Variants in RPS6KA2 observed in about 807,000 individuals in gnomAD.
The protein encoded by RPS6KA2 is ribosomal protein S6 kinase A2, also known as ribosomal protein S6 kinase alpha-2.
RPS6KA2 carries 42 observed loss-of-function variants against 91.8 expected under a neutral mutation model. The ratio of observed to expected loss-of-function variants is 0.46; its 90% CI spans 0.36 to 0.59. RPS6KA2 has a LOEUF of 0.59. RPS6KA2 is among the 20% of genes least tolerant of loss of function. The pLI, the probability that RPS6KA2 is intolerant of heterozygous loss-of-function variation, is 0.00. For synonymous variants in RPS6KA2, 414 were observed against 393.6 expected (o/e 1.05, Z -0.61); for missense variants, 798 against 978.5 (o/e 0.82, Z 2.46).
At chr6:166,832,167 T>C (rs946968807) in intron 2 of RPS6KA2, among the ~76,000 whole-genome samples, 1 of 152,144 alleles carries the variant, frequency 6.6e-6, no homozygotes, top group African/African-American at 2.4e-5. Context: ...GATTTGGCCT[T>C]GAAAGTGACC....
intron 2 of RPS6KA2, among the ~76,000 whole-genome samples, chr6:166,658,177 C>T (rs1006757487): frequency 2.6e-5 from 4 of 152,204 alleles, no homozygotes; most frequent in African/African-American, 4.8e-5. Context: ...CCACTGTGGC[C>T]AGCCCAGGAT....
chr6:166,416,520 T>C (rs1778532829), intron 19 of RPS6KA2, among the ~76,000 whole-genome samples: 1 of 150,302 alleles, frequency 6.7e-6, no homozygotes, highest in Non-Finnish European at 1.5e-5. Context: ...TCTGCCACTT[T>C]TGCCATCCCT....
At chr6:166,765,962 C>T (rs745618344) in intron 2 of RPS6KA2, among the ~76,000 whole-genome samples, 22 of 152,318 alleles carry the variant, frequency 1.4e-4, no homozygotes, top group African/African-American at 3.6e-4. Flanking sequence ...AAACACTTCC[C>T]GCTTTCTAGT....
chr6:166,566,835 A>C (rs1056670528), intron 1 of RPS6KA2, among the ~76,000 whole-genome samples: 1 of 152,180 alleles, frequency 6.6e-6, no homozygotes, highest in Non-Finnish European at 1.5e-5. Context: ...TTGGCTGGAG[A>C]TCACACAGCC....
intron 2 of RPS6KA2, among the ~76,000 whole-genome samples, chr6:166,638,914 A>G (rs1270124810): frequency 1.3e-5 from 2 of 152,200 alleles, no homozygotes; most frequent in African/African-American, 2.4e-5. Context: ...AATGGCTCTT[A>G]AAAAATAAAG....
In RPS6KA2 at chr6:166,639,301, G is replaced by A. The variant is rs1057421993; in HGVS notation, c.124-100517C>T. On this transcript the variant is annotated intron_variant, in intron 2 of 21. Transcript: ENST00000503859. This position sits in a 1 kb window ranked among gnomAD's most constrained non-coding sequence, Gnocchi z 4.2. ...CTCCTGACACGTCCTTATTCCCTAC[G>A]TCTCTAGTTACTGAGATTTGTCAAC... Among the ~76,000 whole-genome samples, 2 of 152,208 alleles carry A rather than the reference G, an allele frequency of 1.3e-5. No individual in the cohort carries two copies. The highest frequency in any genetic ancestry group is 1.5e-5 in the Non-Finnish European group (1 of 68,014).
rs6920423 is a variant in RPS6KA2, at chr6:166,493,671, T to G, written c.748-2930A>C. On this transcript the variant is annotated intron_variant, in intron 8 of 20. Transcript: ENST00000265678. The surrounding 1 kb of genome is among the most constrained non-coding windows in gnomAD (Gnocchi z 4.7). ...GCTCCACCGGGTGCAGGCCCGATGC[T>G]TCTGGGAAGGTAATTGGACAGACAT... Among the ~76,000 whole-genome samples, 492 of 152,012 alleles carry G rather than the reference T, an allele frequency of 3.2e-3. 2 individuals are homozygous for G. Among genetic ancestry groups the G allele is most frequent in the African/African-American group, 0.011 (475 of 41,424 alleles).
intron 1 of RPS6KA2, among the ~76,000 whole-genome samples, chr6:166,550,993 T>TAAAAAAAAAAAAAAA (rs1784002404): frequency 4.3e-5 from 1 of 23,190 alleles, no homozygotes; most frequent in Admixed American, 5.4e-4. Context: ...GGACTCTATC[T>TAAAAAAAAAAAAAAA]CAAAAAAAAA....
intron 17 of RPS6KA2, among the ~76,000 whole-genome samples, chr6:166,421,847 T>C (rs539516058): frequency 6.6e-6 from 1 of 152,126 alleles, no homozygotes; most frequent in East Asian, 1.9e-4. Flanking sequence ...TCAATATTAA[T>C]ATTGATTAAG....
At chr6:166,476,700 G>A (rs1357468070) in intron 10 of RPS6KA2, among the ~76,000 whole-genome samples, 2 of 152,006 alleles carry the variant, frequency 1.3e-5, no homozygotes, top group African/African-American at 2.4e-5. Context: ...TCTACAGCTC[G>A]AGGGGACTCA....
chr6:166,646,139 G>A (rs541912246), intron 2 of RPS6KA2, among the ~76,000 whole-genome samples: 33 of 152,184 alleles, frequency 2.2e-4, no homozygotes, highest in Non-Finnish European at 4.9e-4. Flanking sequence ...CCATGACCCA[G>A]GGGTGGCTTG....
At chr6:166,605,890 A>G (rs3799582) in intron 1 of RPS6KA2, among the ~76,000 whole-genome samples, 17,797 of 152,284 alleles carry the variant, frequency 0.12, 1,170 homozygotes, top group East Asian at 0.34. Context: ...CCAGAGGCGC[A>G]GCAACCAAAA....
chr6:166,792,280 T>C (rs1190149294), intron 2 of RPS6KA2, among the ~76,000 whole-genome samples: 1 of 152,148 alleles, frequency 6.6e-6, no homozygotes, highest in Non-Finnish European at 1.5e-5. Flanking sequence ...CCTGGACACA[T>C]ACACCGACCC....
chr6:166,674,907 G>A (rs1173468380), intron 2 of RPS6KA2, among the ~76,000 whole-genome samples: 6 of 152,190 alleles, frequency 3.9e-5, no homozygotes, highest in African/African-American at 1.4e-4. Flanking sequence ...GACCTCAGGT[G>A]ATCCACCCAC....
At chr6:166,679,185 G>A (rs1481983592) in intron 2 of RPS6KA2, among the ~76,000 whole-genome samples, 3 of 152,148 alleles carry the variant, frequency 2.0e-5, no homozygotes, top group Non-Finnish European at 4.4e-5. Context: ...CGGGCGTGGT[G>A]GCTCATGCCT....
chr6:166,761,763 T>C (rs1324120960), intron 2 of RPS6KA2, among the ~76,000 whole-genome samples: 2 of 152,200 alleles, frequency 1.3e-5, no homozygotes, highest in African/African-American at 2.4e-5. Context: ...GTTGTACCTT[T>C]CCCCTTCCTA....
At chr6:166,738,346 T>C (rs1294310088) in intron 2 of RPS6KA2, among the ~76,000 whole-genome samples, 4 of 151,826 alleles carry the variant, frequency 2.6e-5, no homozygotes, top group African/African-American at 9.7e-5. Context: ...AGCAGGGAGG[T>C]GGCTGGGAAG....
intron 2 of RPS6KA2, among the ~76,000 whole-genome samples, chr6:166,843,053 G>A (rs777956644): frequency 1.2e-4 from 18 of 152,226 alleles, no homozygotes; most frequent in Non-Finnish European, 2.2e-4. Flanking sequence ...CACAGTGGGA[G>A]TGAGACCAGC....
At chr6:166,851,569 C>T (rs894082174) in intron 2 of RPS6KA2, among the ~76,000 whole-genome samples, 1 of 152,214 alleles carries the variant, frequency 6.6e-6, no homozygotes, top group African/African-American at 2.4e-5. Flanking sequence ...TGGAGCCATG[C>T]GTGAGGAGCC....
Sources: allele counts gnomAD v4.1 joint callset (sites outside exome capture counted in the v4.1 genomes callset), GRCh38; gene constraint gnomAD v4.1.1; non-coding constraint Gnocchi (gnomAD v3.1); transcripts MANE v1.5; gene names NCBI Gene and HGNC (gene_info 2026-07-23, HGNC 2026-07-21).